Variants in MLIP observed in about 807,000 individuals in gnomAD.
MLIP encodes the protein muscular LMNA-interacting protein.
MLIP carries 79 observed loss-of-function variants against 84.8 expected under a neutral mutation model. The ratio of observed to expected loss-of-function variants is 0.93; its 90% CI spans 0.78 to 1.12. The LOEUF (loss-of-function observed/expected upper bound fraction) is 1.12, where lower values mean the gene tolerates loss of function less well. Ranked by LOEUF, MLIP falls within the 50% of genes most tolerant of loss-of-function variation. MLIP has a pLI of 0.00. For synonymous variants in MLIP, 504 were observed against 463.0 expected, an observed-to-expected ratio of 1.09 and a Z score of -1.14; for missense variants, 1,257 against 1,160.6, an observed-to-expected ratio of 1.08 and a Z score of -1.21.
intron 12 of MLIP, among the ~76,000 whole-genome samples, chr6:54,252,234 TA>T (rs1267722137): frequency 9.0e-6 from 1 of 111,120 alleles, no homozygotes. Context: ...TTATAACATA[TA>T]ATATATAAGT....
In MLIP at chr6:54,198,675, G is replaced by A. The variant is rs1443415837; in HGVS notation, c.2590-3430G>A. 2.0e-5 allele frequency among the ~76,000 whole-genome samples: 3 copies of A among 152,068 alleles called. No individual in the cohort carries two copies. In the East Asian group the frequency reaches 5.8e-4, roughly 29 times the overall value. ...ACCCTTCAACAGAAGGTCTACACAG[G>A]TTGAATGGCTTTTCCAAGGTAATAC... On this transcript the variant is annotated intron_variant, in intron 10 of 13. Transcript: ENST00000502396.
intron 1 of MLIP, among the ~76,000 whole-genome samples, chr6:54,034,077 G>A (rs1454129098): frequency 1.3e-5 from 2 of 152,132 alleles, no homozygotes; most frequent in Non-Finnish European, 2.9e-5. Context: ...ATACAAAGCT[G>A]TCTTGCCAAA....
chr6:54,149,248 C>T (rs1773186337), intron 5 of MLIP, 121 bp downstream of exon 5: 2 of 859,410 alleles, frequency 2.3e-6, no homozygotes, highest in Admixed American at 2.4e-5. Flanking sequence ...AATAACATTC[C>T]ATTCTTAGTT....
intron 1 of MLIP, among the ~76,000 whole-genome samples, chr6:54,103,749 T>G (rs1768816878): frequency 6.6e-6 from 1 of 152,220 alleles, no homozygotes. Flanking sequence ...AGATTAAATA[T>G]GAAACATGTA....
intron 1 of MLIP, among the ~76,000 whole-genome samples, chr6:54,078,747 A>G (rs1307758950): frequency 1.5e-5 from 2 of 137,146 alleles, no homozygotes; most frequent in East Asian, 4.2e-4. Flanking sequence ...GCTGGAGTGC[A>G]GTGGCATGAT....
rs77570955 is a variant in MLIP, at chr6:54,192,968, C to T, written c.2589+3054C>T. 4.7e-4 allele frequency among the ~76,000 whole-genome samples: 72 copies of T among 152,268 alleles called. 1 individual carries two copies. The highest frequency in any genetic ancestry group is 1.5e-3 in the African/African-American group (61 of 41,582). ...TTGCTTTTGAGATTTAACTTTTTAACGATACATCATTTTTTCATGCTTTCA... is the reference window on the plus strand; with the variant it reads ...TTGCTTTTGAGATTTAACTTTTTAATGATACATCATTTTTTCATGCTTTCA... On this transcript the variant is annotated intron_variant, in intron 10 of 13. Coordinates refer to ENST00000502396, the MANE Select transcript of MLIP (RefSeq NM_001281747.2).
At chr6:54,151,947 C>G (rs924877488) in intron 5 of MLIP, among the ~76,000 whole-genome samples, 11 of 152,090 alleles carry the variant, frequency 7.2e-5, no homozygotes, top group African/African-American at 2.7e-4. Flanking sequence ...AAAGAGTACA[C>G]TTTGTTGGCA....
chr6:54,094,630 A>G (rs908292159), intron 1 of MLIP, among the ~76,000 whole-genome samples: 1 of 151,754 alleles, frequency 6.6e-6, no homozygotes, highest in East Asian at 1.9e-4. Flanking sequence ...AAGAAGAAAG[A>G]CATTCTTGTT....
At chr6:54,257,483 C>A in intron 13 of MLIP, 122 bp downstream of exon 13, 1 of 675,262 alleles carries the variant, frequency 1.5e-6, no homozygotes, top group Non-Finnish European at 2.5e-6. Context: ...AGAATTATTA[C>A]TAACTGTTTC....
At chr6:54,035,329 T>C (rs927332060) in intron 1 of MLIP, among the ~76,000 whole-genome samples, 9 of 152,202 alleles carry the variant, frequency 5.9e-5, no homozygotes, top group Non-Finnish European at 1.2e-4. Flanking sequence ...TTCCATGTTA[T>C]AGCTCCAGCT....
At chr6:54,253,790 T>C (rs1437357132) in intron 12 of MLIP, among the ~76,000 whole-genome samples, 2 of 152,122 alleles carry the variant, frequency 1.3e-5, no homozygotes, top group Non-Finnish European at 2.9e-5. Context: ...CAACTGAATG[T>C]TTTATTCAAA....
intron 12 of MLIP, among the ~76,000 whole-genome samples, chr6:54,239,855 C>CT (rs1781617855): frequency 2.0e-5 from 3 of 151,892 alleles, no homozygotes; most frequent in African/African-American, 7.3e-5. Flanking sequence ...ATGTCTACCA[C>CT]TATAATAAAC....
At chr6:54,107,169 C>T (rs1394658885), upstream of MLIP, among the ~76,000 whole-genome samples, 1 of 152,158 alleles carries the variant, frequency 6.6e-6, no homozygotes, top group African/African-American at 2.4e-5. Flanking sequence ...TCAAACAGTA[C>T]TTTGAAGCTT....
At chr6:54,232,986 C>T (rs1189837181) in intron 12 of MLIP, among the ~76,000 whole-genome samples, 2 of 152,142 alleles carry the variant, frequency 1.3e-5, no homozygotes, top group Non-Finnish European at 2.9e-5. Flanking sequence ...AATCAAACTC[C>T]TCATGTCCTA....
chr6:54,061,040 G>A (rs1199286977), intron 1 of MLIP, among the ~76,000 whole-genome samples: 1 of 149,118 alleles, frequency 6.7e-6, no homozygotes, highest in Non-Finnish European at 1.5e-5. Context: ...CACATATCTA[G>A]TCATAGTTGA....
At chr6:54,226,321 C>T (rs1304438941) in intron 11 of MLIP, among the ~76,000 whole-genome samples, 1 of 152,134 alleles carries the variant, frequency 6.6e-6, no homozygotes, top group African/African-American at 2.4e-5. Flanking sequence ...TAATGCCGAC[C>T]CGCACTGTCT....
intron 1 of MLIP, among the ~76,000 whole-genome samples, chr6:54,089,128 G>A (rs1005929127): frequency 2.0e-5 from 3 of 151,998 alleles, no homozygotes; most frequent in Non-Finnish European, 2.9e-5. Context: ...TTTATTTTTG[G>A]TGTGAGTTTC....
intron 1 of MLIP, chr6:54,028,876 A>G (rs1361866389): frequency 6.6e-6 from 1 of 152,148 alleles, no homozygotes; most frequent in East Asian, 1.9e-4. Context: ...AGTCATTTAT[A>G]CTAAGGTCTC....
intron 11 of MLIP, among the ~76,000 whole-genome samples, chr6:54,210,687 A>G (rs1201241494): frequency 7.0e-6 from 1 of 143,656 alleles, no homozygotes; most frequent in Non-Finnish European, 1.5e-5. Flanking sequence ...AGCCCTGACT[A>G]TGATGCCCCT....
Sources: allele counts gnomAD v4.1 joint callset (sites outside exome capture counted in the v4.1 genomes callset), GRCh38; gene constraint gnomAD v4.1.1; transcripts MANE v1.5; gene names NCBI Gene and HGNC (gene_info 2026-07-23, HGNC 2026-07-21).